LSAMP: variants seen among roughly 807,000 people sequenced by gnomAD.
LSAMP encodes the protein limbic system associated membrane protein.
LSAMP carries 7 observed loss-of-function variants against 38.6 expected under a neutral mutation model. The observed-to-expected ratio is 0.18, with a 90% CI of 0.10 to 0.34. The LOEUF (loss-of-function observed/expected upper bound fraction) is 0.34. Ranked by LOEUF, LSAMP falls within the 10% of genes least tolerant of loss-of-function variation. The probability of loss-of-function intolerance (pLI) is 1.00; values close to 1 mark genes in which losing one functional copy is unlikely to be tolerated. For missense variants in LSAMP, 313 were observed against 420.0 expected, an observed-to-expected ratio of 0.75 and a Z score of 2.23; for synonymous variants, 154 against 166.8, an observed-to-expected ratio of 0.92 and a Z score of 0.59.
intron 1 of LSAMP, among the ~76,000 whole-genome samples, chr3:116,415,822 G>A (rs2049042164): frequency 6.6e-6 from 1 of 152,100 alleles, no homozygotes; most frequent in African/African-American, 2.4e-5. Flanking sequence ...ATATCAACAA[G>A]GCTTTGGGCA....
chr3:115,886,450 T>A (rs1291732864), intron 3 of LSAMP, among the ~76,000 whole-genome samples: 1 of 151,944 alleles, frequency 6.6e-6, no homozygotes, highest in African/African-American at 2.4e-5. Flanking sequence ...CTATTTAAAA[T>A]CAGAACAACA....
At chr3:116,126,858 C>T (rs1010316383) in intron 1 of LSAMP, among the ~76,000 whole-genome samples, 3 of 149,266 alleles carry the variant, frequency 2.0e-5, no homozygotes, top group Non-Finnish European at 2.9e-5. Context: ...CAAAACTCCA[C>T]CTCAAAACAA....
chr3:116,310,897 G>A (rs1238852959), intron 1 of LSAMP, among the ~76,000 whole-genome samples: 2 of 138,814 alleles, frequency 1.4e-5, no homozygotes, highest in Non-Finnish European at 3.1e-5. Context: ...TGGTGAGGAG[G>A]AAGATGATGA....
At chr3:115,994,336 C>T (rs1466476097) in intron 3 of LSAMP, among the ~76,000 whole-genome samples, 1 of 152,010 alleles carries the variant, frequency 6.6e-6, no homozygotes, top group Non-Finnish European at 1.5e-5. Context: ...GTCAGTCTCA[C>T]TATAGATATG....
rs143050946 is a variant in LSAMP, at chr3:116,444,348, A to ATGTGTG, written c.155+523_155+528dup. ...AGAAACCCTCACACACAACCTTGAT[A>ATGTGTG]TGTGTGTGTGTGTGTGTATGTGTGT... On this transcript the variant is annotated intron_variant, in intron 1 of 6. Coordinates refer to ENST00000490035, the MANE Select transcript of LSAMP (RefSeq NM_002338.5). Among the ~76,000 whole-genome samples the ATGTGTG allele has an allele frequency of 6.5e-3, 946 of 144,628 alleles. 10 individuals are homozygous for ATGTGTG. The highest frequency in any genetic ancestry group is 0.022 in the African/African-American group (853 of 38,836). 94.9% of individuals were successfully genotyped at this position (144,628 alleles called of 152,430 possible). A position where few individuals can be genotyped will look rare whatever the true frequency, so the allele number is the denominator to read the frequency against.
intron 3 of LSAMP, among the ~76,000 whole-genome samples, chr3:115,982,442 A>G (rs574095346): frequency 5.3e-5 from 8 of 152,296 alleles, no homozygotes; most frequent in Admixed American, 1.3e-4. Context: ...CTTTATTTAA[A>G]TATGTATTTA....
intron 2 of LSAMP, among the ~76,000 whole-genome samples, chr3:116,073,093 A>G (rs1043105717): frequency 6.6e-6 from 1 of 152,182 alleles, no homozygotes; most frequent in Admixed American, 6.5e-5. Context: ...ATAAACTTTA[A>G]GGAAGTGGTC....
intron 1 of LSAMP, among the ~76,000 whole-genome samples, chr3:116,347,370 T>G (rs369726290): frequency 6.6e-6 from 1 of 152,138 alleles, no homozygotes; most frequent in African/African-American, 2.4e-5. Context: ...AAATATTGGC[T>G]CTCACCAGAC....
chr3:116,352,706 A>G (rs753567287), intron 1 of LSAMP, among the ~76,000 whole-genome samples: 6 of 152,132 alleles, frequency 3.9e-5, no homozygotes, highest in Non-Finnish European at 8.8e-5. Flanking sequence ...GCTTTTGTTT[A>G]AAGTTTTTCT....
chr3:116,433,339 T>C (rs555551512), intron 1 of LSAMP, among the ~76,000 whole-genome samples: 7 of 152,298 alleles, frequency 4.6e-5, no homozygotes, highest in African/African-American at 1.7e-4. Context: ...AGATTCAATA[T>C]AGAGATGCAT....
chr3:116,426,494 A>C (rs1694433857), intron 1 of LSAMP, among the ~76,000 whole-genome samples: 2 of 150,826 alleles, frequency 1.3e-5, no homozygotes, highest in South Asian at 4.2e-4. Context: ...AACTCAACAC[A>C]TGAAAAGACC....
intron 3 of LSAMP, among the ~76,000 whole-genome samples, chr3:115,897,668 G>T (rs1559871731): frequency 1.3e-5 from 2 of 152,118 alleles, no homozygotes; most frequent in Admixed American, 6.6e-5. Flanking sequence ...CATCAGCAGC[G>T]GTGGACAAGA....
At chr3:116,022,230 T>C (rs1940658693) in intron 2 of LSAMP, among the ~76,000 whole-genome samples, 1 of 130,704 alleles carries the variant, frequency 7.7e-6, no homozygotes, top group South Asian at 2.2e-4. Flanking sequence ...TAAACTCTTA[T>C]TAACTTCTTT....
chr3:116,336,092 TATC>T (rs1441675073), intron 1 of LSAMP, among the ~76,000 whole-genome samples: 3 of 151,950 alleles, frequency 2.0e-5, no homozygotes, highest in Admixed American at 6.6e-5. Context: ...CCTTGCCTAA[TATC>T]ATATAAAAAT....
chr3:116,228,895 C>T (rs192994660), intron 1 of LSAMP, among the ~76,000 whole-genome samples: 5 of 152,086 alleles, frequency 3.3e-5, no homozygotes, highest in Non-Finnish European at 7.4e-5. Context: ...CAGGCTCTTT[C>T]AAATGATAAC....
intron 1 of LSAMP, among the ~76,000 whole-genome samples, chr3:116,402,861 G>A (rs1342655548): frequency 6.6e-6 from 1 of 151,620 alleles, no homozygotes; most frequent in Non-Finnish European, 1.5e-5. Flanking sequence ...ATGGATATAT[G>A]TGTGTTTTAC....
intron 1 of LSAMP, among the ~76,000 whole-genome samples, chr3:116,212,396 GC>G (rs2046169675): frequency 6.6e-6 from 1 of 152,134 alleles, no homozygotes; most frequent in African/African-American, 2.4e-5. Context: ...AAGTGGAAAA[GC>G]CAGTTTTAAA....
intron 1 of LSAMP, among the ~76,000 whole-genome samples, chr3:116,236,572 T>C (rs1262087597): frequency 6.6e-6 from 1 of 152,136 alleles, no homozygotes; most frequent in Non-Finnish European, 1.5e-5. Context: ...GGCTTCTTTA[T>C]AGCCCCAGGC....
chr3:115,997,751 T>TATAC (rs1376668611), intron 3 of LSAMP, among the ~76,000 whole-genome samples: 18 of 131,294 alleles, frequency 1.4e-4, no homozygotes, highest in Middle Eastern at 4.0e-3. Flanking sequence ...TATATATATA[T>TATAC]ATACACACAC....
Sources: allele counts gnomAD v4.1 joint callset (sites outside exome capture counted in the v4.1 genomes callset), GRCh38; gene constraint gnomAD v4.1.1; transcripts MANE v1.5; gene names NCBI Gene and HGNC (gene_info 2026-07-23, HGNC 2026-07-21).